Variants in ZNF83 observed in about 807,000 individuals in gnomAD.
The protein encoded by ZNF83 is zinc finger protein 816B.
For synonymous variants in ZNF83, 209 were observed against 213.0 expected, an observed-to-expected ratio of 0.98 and a Z score of 0.17; for missense variants, 552 against 629.9, an observed-to-expected ratio of 0.88 and a Z score of 1.32.
chr19:52,622,887 T>A (rs548398139), intron 2 of ZNF83, among the ~76,000 whole-genome samples: 1 of 152,348 alleles, frequency 6.6e-6, no homozygotes, highest in South Asian at 2.1e-4. Context: ...CAAATGGCAA[T>A]GCATTTCTGA....
At chr19:52,617,166 AACACG>A (rs2060340743) in intron 2 of ZNF83, 1 of 92,606 alleles carries the variant, frequency 1.1e-5, no homozygotes, top group African/African-American at 7.5e-5. Context: ...AAACCTGCAC[AACACG>A]ACACGACATG....
At chr19:52,634,905 G>A (rs566237882) in intron 2 of ZNF83, among the ~76,000 whole-genome samples, 161 bp downstream of exon 2, 3 of 152,114 alleles carry the variant, frequency 2.0e-5, no homozygotes, top group Non-Finnish European at 4.4e-5. Context: ...ACAAGAGATG[G>A]AATCTAAGTG....
At chr19:52,614,273 G>T (rs367618930) in exon 3 of ZNF83, 1 of 1,613,944 alleles carries the variant, frequency 6.2e-7, no homozygotes, top group Non-Finnish European at 8.5e-7. Context: ...GCCTTGCCAC[G>T]CTCACTACAT....
intron 2 of ZNF83, among the ~76,000 whole-genome samples, chr19:52,630,747 C>T (rs1300261596): frequency 6.6e-6 from 1 of 152,032 alleles, no homozygotes; most frequent in South Asian, 2.1e-4. Context: ...ACCCTTACCC[C>T]ACTCAACGCC....
chr19:52,662,549 T>C (rs2061593987), intron 1 of ZNF83, among the ~76,000 whole-genome samples: 1 of 152,186 alleles, frequency 6.6e-6, no homozygotes, highest in Admixed American at 6.5e-5. Context: ...GTTTTTTCCA[T>C]TCTGGTACTT....
intron 1 of ZNF83, among the ~76,000 whole-genome samples, chr19:52,688,039 T>C (rs1328343549): frequency 6.6e-6 from 1 of 152,020 alleles, no homozygotes; most frequent in Non-Finnish European, 1.5e-5. Context: ...TAGACAGGAA[T>C]TTTAAAATTC....
At chr19:52,650,406 T>C (rs936768949) in intron 3 of ZNF83, 1 of 152,178 alleles carries the variant, frequency 6.6e-6, no homozygotes, top group Non-Finnish European at 1.5e-5. Flanking sequence ...TATAGGCATG[T>C]GCCACAAAGT....
intron 1 of ZNF83, among the ~76,000 whole-genome samples, chr19:52,679,430 A>G (rs7255926): frequency 0.83 from 125,916 of 152,112 alleles, 52,772 homozygotes; most frequent in African/African-American, 0.96. Context: ...GGGCACCAAG[A>G]TGAAACTCCG....
At chr19:52,635,036 C>G (rs558535587) in intron 2 of ZNF83, 30 bp downstream of exon 2, 36 of 735,626 alleles carry the variant, frequency 4.9e-5, no homozygotes, top group Non-Finnish European at 8.5e-5. Flanking sequence ...AGGAAAGAGA[C>G]AGAACAATCC....
intron 1 of ZNF83, among the ~76,000 whole-genome samples, chr19:52,687,861 T>C (rs2062073572): frequency 6.6e-6 from 1 of 150,642 alleles, no homozygotes; most frequent in South Asian, 2.1e-4. Context: ...TATTGTGTAA[T>C]AACAGAAAGT....
intron 1 of ZNF83, among the ~76,000 whole-genome samples, chr19:52,663,978 C>A (rs1268482887): frequency 2.0e-5 from 3 of 152,178 alleles, no homozygotes; most frequent in Non-Finnish European, 2.9e-5. Flanking sequence ...CCTCCACCTC[C>A]CGGATTCAAG....
chr19:52,654,494 A>C (rs2061481764), intron 3 of ZNF83: 1 of 523,250 alleles, frequency 1.9e-6, no homozygotes, highest in Non-Finnish European at 3.2e-6. Flanking sequence ...CACAAAAAGC[A>C]ATACTTATTT....
chr19:52,618,856 T>C, intron 2 of ZNF83: 2 of 1,515,386 alleles, frequency 1.3e-6, no homozygotes, highest in African/African-American at 2.8e-5. Flanking sequence ...CAAGCAAGGA[T>C]GCAACTCCCA....
chr19:52,638,610 G>A (rs374511199), upstream of ZNF83, among the ~76,000 whole-genome samples: 1 of 152,260 alleles, frequency 6.6e-6, no homozygotes, highest in African/African-American at 2.4e-5. Context: ...ATCTGGAACG[G>A]GGATGCAAAC....
chr19:52,658,043 G>A (rs1187655424), intron 2 of ZNF83, among the ~76,000 whole-genome samples: 8 of 151,636 alleles, frequency 5.3e-5, no homozygotes, highest in South Asian at 2.1e-4. Flanking sequence ...GGCTAAGGCA[G>A]GAGAATTGCT....
At chr19:52,651,700 A>AAG (rs1323539045) in intron 3 of ZNF83, 3 of 128,988 alleles carry the variant, frequency 2.3e-5, no homozygotes, top group Admixed American at 8.8e-5. Flanking sequence ...AAAAAAAAAA[A>AAG]AAAGAAAGAA....
intron 2 of ZNF83, among the ~76,000 whole-genome samples, chr19:52,620,957 C>T (rs185573384): frequency 6.6e-6 from 1 of 152,336 alleles, no homozygotes; most frequent in East Asian, 1.9e-4. Context: ...TTGTAACTTT[C>T]CACTGCTTAT....
intron 1 of ZNF83, among the ~76,000 whole-genome samples, chr19:52,689,707 T>C (rs1405088585): frequency 0.035 from 5,213 of 151,030 alleles, 293 homozygotes; most frequent in African/African-American, 0.12. Context: ...CTCTTATGGC[T>C]CTTTCTCATT....
chr19:52,616,130 G>A (rs547158389), intron 2 of ZNF83, among the ~76,000 whole-genome samples: 6 of 152,318 alleles, frequency 3.9e-5, no homozygotes, highest in South Asian at 2.1e-4. Context: ...GAGCCACTGC[G>A]CCCAGCCAAA....
Sources: allele counts gnomAD v4.1 joint callset (sites outside exome capture counted in the v4.1 genomes callset), GRCh38; gene constraint gnomAD v4.1.1; transcripts MANE v1.5; gene names NCBI Gene and HGNC (gene_info 2026-07-23, HGNC 2026-07-21).